The following A2M variants were observed in gnomAD, a reference collection of about 807,000 sequenced individuals.
A2M encodes alpha-2-macroglobulin.
In A2M, 128 loss-of-function variants were observed where a neutral mutation model predicts 183.9. The ratio of observed to expected loss-of-function variants is 0.70; its 90% CI spans 0.60 to 0.81. The LOEUF is 0.81. Ranked by LOEUF, A2M falls within the 30% of genes least tolerant of loss-of-function variation. The pLI is 0.00. For missense variants in A2M, 1,495 were observed against 1,787.6 expected, an observed-to-expected ratio of 0.84 and a Z score of 2.95; for synonymous variants, 592 against 670.8, an observed-to-expected ratio of 0.88 and a Z score of 1.81.
At chr12:9,106,454 T>C (rs1380123815) in intron 9 of A2M, 37 bp downstream of exon 9, 2 of 1,453,246 alleles carry the variant, frequency 1.4e-6, no homozygotes, top group African/African-American at 2.8e-5. Flanking sequence ...AATCAATGCC[T>C]GTTGTGTTTT....
rs1163372266 is a variant in A2M at position 9,079,533 on chromosome 12, T to C, written c.3031+106A>G. ...AAATTAACTATCATAGCAGCTATCA[T>C]AGTGAGCTAAGCTAATGTATCATAA... On this transcript the variant is annotated intron_variant, in intron 24 of 35. Transcript: ENST00000318602. 2.4e-5 allele frequency: 28 copies of C among 1,151,694 alleles called. No homozygotes were observed. The South Asian group carries it at 3.5e-4, about 14-fold the overall frequency. 71.3% of individuals were successfully genotyped at this position (1,151,694 alleles called of 1,614,324 possible).
intron 25 of A2M, among the ~76,000 whole-genome samples, chr12:9,078,135 C>T (rs1459078163): frequency 1.3e-5 from 2 of 152,132 alleles, no homozygotes; most frequent in South Asian, 2.1e-4. Context: ...CATAAGTATA[C>T]GTGTGCCATG....
Position 9,072,378 on chromosome 12 carries a change from G to A in A2M, c.4084C>T (p.Gln1362Ter). The A allele has an allele frequency of 1.2e-6, 2 of 1,613,942 alleles. No homozygotes were observed. The highest frequency in any genetic ancestry group is 1.7e-6 in the Non-Finnish European group (2 of 1,179,866). The change falls in exon 31 of 36, where the codon CAA (glutamine) becomes TAA (stop). Residue 1362 changes from glutamine (Q) to a stop codon, truncating the protein, a stop_gained. Coordinates refer to ENST00000318602, the MANE Select transcript of A2M (RefSeq NM_000014.6). LOFTEE classifies it high-confidence loss of function. The part of the protein sequence containing the change: ...CDEPKAHTSF[Q>*]ISLSVSYTGS... ...TCTTACCTGACACTTAGGGAGATTT[G>A]GAAGCTGGTGTGGGCTTTGGGTTCA... is the stretch of plus-strand genomic sequence containing the variant.
rs1419294296 is a variant in A2M, at chr12:9,078,440, T to C, written c.3120-583A>G. On this transcript the variant is annotated intron_variant, in intron 25 of 35. Transcript: ENST00000318602. ...CACATTTTCTTTATCCAGTCTGTCA[T>C]TGATGAGCATTTGGGTTAGTTCCAT... 4.6e-5 allele frequency among the ~76,000 whole-genome samples: 7 copies of C among 152,246 alleles called. No homozygotes were observed. The East Asian group carries it at 1.2e-3, about 25-fold the overall frequency.
intron 22 of A2M, among the ~76,000 whole-genome samples, chr12:9,087,563 ATTTTT>A (rs1949085809): frequency 6.8e-6 from 1 of 146,164 alleles, no homozygotes; most frequent in Non-Finnish European, 1.6e-5. Context: ...GAAGGAATAC[ATTTTT>A]TTCTTTTTGG....
At chr12:9,070,816 A>G (rs764027983) in intron 31 of A2M, among the ~76,000 whole-genome samples, 1 of 142,832 alleles carries the variant, frequency 7.0e-6, no homozygotes, top group Admixed American at 7.1e-5. Context: ...ATGGGGGCTG[A>G]GGATCTGCAT....
chr12:9,113,687 A>AC, intron 1 of A2M, 144 bp from the exon 2 acceptor site: 3 of 749,266 alleles, frequency 4.0e-6, no homozygotes, highest in Non-Finnish European at 6.4e-6. Flanking sequence ...TGGCCGTTGA[A>AC]GGCCATGCAT....
chr12:9,107,489 T>C (rs745614303), intron 8 of A2M, 35 bp downstream of exon 8: 2 of 1,610,906 alleles, frequency 1.2e-6, no homozygotes, highest in Non-Finnish European at 1.7e-6. Context: ...AATGCCTTTA[T>C]CGCTATTCTC....
chr12:9,097,833 A>G (rs1949430875), intron 15 of A2M, among the ~76,000 whole-genome samples: 1 of 152,084 alleles, frequency 6.6e-6, no homozygotes, highest in Admixed American at 6.5e-5. Context: ...GGGTTTCATT[A>G]TATTGGCCAG....
At chr12:9,075,277 A>T (rs1232118454) in intron 28 of A2M, among the ~76,000 whole-genome samples, 1 of 152,198 alleles carries the variant, frequency 6.6e-6, no homozygotes, top group Non-Finnish European at 1.5e-5. Context: ...ACCAATATAC[A>T]CTGCTGTGGG....
At chr12:9,086,135 C>T (rs1187025494) in intron 22 of A2M, among the ~76,000 whole-genome samples, 1 of 152,138 alleles carries the variant, frequency 6.6e-6, no homozygotes, top group Non-Finnish European at 1.5e-5. Context: ...TACTTTCAAG[C>T]TCATTTTATG....
chr12:9,104,376 C>G lies in A2M; in HGVS notation c.1129G>C (p.Val377Leu). Residue 377 changes from valine (V) to leucine (L), a missense_variant, in exon 11 of 36, where the codon GTC becomes CTC. By Grantham distance (32) the Val-to-Leu change is conservative. Transcript: ENST00000318602. The stretch of plus-strand genomic sequence containing the variant: ...AATATGACTTTATTTGGTATAGGGA[C>G]GCCTTTCCCATCTACTAGGCGCACC... ...GQVRLVDGKG[V>L]PIPNKVIFIR... The G allele has an allele frequency of 6.3e-7, 1 of 1,596,026 alleles. No individual in the cohort carries two copies. The highest frequency in any genetic ancestry group is 8.5e-7 in the Non-Finnish European group (1 of 1,170,260).
intron 4 of A2M, chr12:9,111,905 C>T: frequency 1.7e-6 from 1 of 575,666 alleles, no homozygotes; most frequent in Non-Finnish European, 3.3e-6. Context: ...TCTAATTGTC[C>T]TAATTAAGAA....
intron 1 of A2M, 27 bp from the exon 2 acceptor site, chr12:9,113,570 G>C (rs752553993): frequency 6.2e-7 from 1 of 1,603,270 alleles, no homozygotes; most frequent in Admixed American, 1.7e-5. Context: ...TCAGTTAGAG[G>C]AAAGTGAAGG....
intron 10 of A2M, 110 bp downstream of exon 10, chr12:9,106,124 TGG>T: frequency 5.0e-6 from 3 of 601,152 alleles, no homozygotes. Context: ...TTTATACTTT[TGG>T]TTATATTAAA....
chr12:9,112,603 G>A lies in A2M; in HGVS notation c.271-67C>T, dbSNP rs1938824497. 3 of 1,563,654 alleles carry A rather than the reference G, an allele frequency of 1.9e-6. No homozygotes were observed. In the South Asian group the frequency reaches 3.4e-5, roughly 18 times the overall value. ...CAGGTCTCCTCCCCTATTTGCTGTT[G>A]CACTCTTCCCTGGAGATCTTGCCCT... On this transcript the variant is annotated intron_variant, in intron 2 of 35. Transcript: ENST00000318602.
chr12:9,108,895 G>C (rs1938510269), intron 7 of A2M, among the ~76,000 whole-genome samples: 1 of 152,186 alleles, frequency 6.6e-6, no homozygotes, highest in Admixed American at 6.5e-5. Context: ...TTTCCAGTAA[G>C]CATGCAAGGT....
chr12:9,098,194 G>T lies in A2M; in HGVS notation c.1851+413C>A, dbSNP rs926168041. 3.3e-5 allele frequency among the ~76,000 whole-genome samples: 5 copies of T among 152,012 alleles called. No individual in the cohort carries two copies. In the East Asian group the frequency reaches 5.8e-4, roughly 18 times the overall value. On this transcript the variant is annotated intron_variant, in intron 15 of 35. Coordinates refer to ENST00000318602, the MANE Select transcript of A2M (RefSeq NM_000014.6). ...TTTGCATAACTGCACTTCTCATATA[G>T]CACTTTTCACAATCTGCTCTGTATT...
At chr12:9,069,140 A>G (rs1948487208) in intron 33 of A2M, 1 of 216,102 alleles carries the variant, frequency 4.6e-6, no homozygotes, top group Non-Finnish European at 9.1e-6. Flanking sequence ...TTTAATATCC[A>G]GAGATTTGGT....
Sources: allele counts gnomAD v4.1 joint callset (sites outside exome capture counted in the v4.1 genomes callset), GRCh38; gene constraint gnomAD v4.1.1; transcripts MANE v1.5; gene names NCBI Gene and HGNC (gene_info 2026-07-23, HGNC 2026-07-21).